Variants in HCN4 observed in about 807,000 individuals in gnomAD.
HCN4 encodes the protein potassium/sodium hyperpolarization-activated cyclic nucleotide-gated channel 4.
Under a neutral mutation model 76.9 loss-of-function variants are expected in HCN4, and 29 were observed. The ratio of observed to expected loss-of-function variants is 0.38; its 90% CI spans 0.28 to 0.51. HCN4 has a LOEUF of 0.51. HCN4 is among the 20% of genes least tolerant of loss of function. The probability of loss-of-function intolerance (pLI) is 0.90; values close to 1 mark genes in which losing one functional copy is unlikely to be tolerated. For missense variants in HCN4, 1,416 were observed against 1,715.2 expected (o/e 0.83, Z 3.08); for synonymous variants, 772 against 762.5 (o/e 1.01, Z -0.21).
At chr15:73,360,499 C>T (rs562414098) in intron 1 of HCN4, among the ~76,000 whole-genome samples, 9 of 152,158 alleles carry the variant, frequency 5.9e-5, no homozygotes, top group African/African-American at 1.2e-4. Flanking sequence ...CCCTCCTCGA[C>T]GTTTTAATTC....
Position 73,323,043 on chromosome 15 carries a change from A to T in HCN4, c.3050T>A (p.Val1017Glu), listed in dbSNP as rs560832180. ...VAGASGGASPVGFTPRGGLSP... is the reference protein window; with the variant it reads ...VAGASGGASPEGFTPRGGLSP... ...GAGACCTCCTCGGGGAGTAAAGCCT[A>T]CAGGGGAAGCCCCCCCAGAGGCCCC... The change falls in exon 8 of 8, where the codon GTA becomes GAA. Residue 1017 changes from valine to glutamate, a missense_variant. Val to Glu is a moderately radical substitution (Grantham distance 121). Coordinates refer to ENST00000261917, the MANE Select transcript of HCN4 (RefSeq NM_005477.3). 1 of 1,518,390 alleles carries T rather than the reference A, an allele frequency of 6.6e-7. No homozygotes were observed. Among genetic ancestry groups the T allele is most frequent in the East Asian group, 2.3e-5 (1 of 43,372 alleles). 94.1% of individuals were successfully genotyped at this position (1,518,390 alleles called of 1,614,324 possible).
rs2042884197 is a variant in HCN4 at position 73,324,105 on chromosome 15, G to A, written c.2127C>T (p.Asp709=). The change falls in exon 7 of 8, where the codon GAC becomes GAT. Residue 709 remains aspartate, a synonymous_variant. Coordinates refer to ENST00000261917, the MANE Select transcript of HCN4 (RefSeq NM_005477.3). ...MRRAFETVAL[D]RLDRIGKKNS... ...CCCCCTCACCAATGCGGTCCAGGCG[G>A]TCCAGCGCCACGGTCTCGAAGGCCC... 4.3e-6 allele frequency: 7 copies of A among 1,613,336 alleles called. No individual in the cohort carries two copies. The highest frequency in any genetic ancestry group is 5.9e-6 in the Non-Finnish European group (7 of 1,179,970).
chr15:73,323,028 C>T lies in HCN4; in HGVS notation c.3065G>A (p.Arg1022Gln), dbSNP rs1205818947. 1.3e-6 allele frequency: 2 copies of T among 1,491,042 alleles called. No homozygotes were observed. The highest frequency in any genetic ancestry group is 1.4e-5 in the South Asian group (1 of 72,282). The allele number at this position is 1,491,042 out of a possible 1,614,324, so 92.4% of individuals were successfully genotyped here. A position where few individuals can be genotyped will look rare whatever the true frequency, so the allele number is the denominator to read the frequency against. Residue 1022 changes from arginine (R) to glutamine (Q), a missense_variant, in exon 8 of 8, where the codon CGA becomes CAA. By Grantham distance (43) the Arg-to-Gln change is conservative. Around this residue, in one of 6 missense-constraint regions of HCN4, gnomAD observed 633 missense variants for 579.8 expected, o/e 1.09. Transcript: ENST00000261917. ...GTGGCCAGGGGGGCTGAGACCTCCT[C>T]GGGGAGTAAAGCCTACAGGGGAAGC... Reference protein sequence around the residue: ...GGASPVGFTPRGGLSPPGHSP... With the variant: ...GGASPVGFTPQGGLSPPGHSP...
chr15:73,356,848 C>G (rs2043083482), intron 1 of HCN4, among the ~76,000 whole-genome samples: 2 of 152,076 alleles, frequency 1.3e-5, no homozygotes, highest in South Asian at 4.1e-4. Context: ...ATAAAAGCTC[C>G]CTGGAGAGGG....
intron 2 of HCN4, among the ~76,000 whole-genome samples, chr15:73,336,112 G>C (rs936522356): frequency 3.3e-5 from 5 of 152,122 alleles, no homozygotes; most frequent in Non-Finnish European, 7.4e-5. Context: ...GGTGAGTAGA[G>C]AGGCTGGTCC....
intron 1 of HCN4, among the ~76,000 whole-genome samples, chr15:73,352,270 G>C (rs1057128744): frequency 7.9e-5 from 12 of 152,122 alleles, no homozygotes; most frequent in Non-Finnish European, 1.5e-5. Flanking sequence ...CGTGCCAAAG[G>C]CTGAGTGGCA....
chr15:73,353,501 A>G (rs778165792), intron 1 of HCN4, among the ~76,000 whole-genome samples: 2 of 152,196 alleles, frequency 1.3e-5, no homozygotes, highest in Non-Finnish European at 2.9e-5. Context: ...CACGCATGTC[A>G]GTCCATGACA....
At chr15:73,363,122 G>A (rs912294783) in intron 1 of HCN4, among the ~76,000 whole-genome samples, 10 of 152,162 alleles carry the variant, frequency 6.6e-5, no homozygotes, top group South Asian at 6.2e-4. Context: ...CACAGCCTGC[G>A]GCTCCTTTCC....
chr15:73,359,698 G>A (rs1181966957), intron 1 of HCN4, among the ~76,000 whole-genome samples: 2 of 152,040 alleles, frequency 1.3e-5, no homozygotes, highest in African/African-American at 4.8e-5. Flanking sequence ...ACTGAGCCCC[G>A]ACCATTGTCA....
chr15:73,322,561 G>GC lies in HCN4; in HGVS notation c.3531dup (p.Pro1178AlafsTer16), dbSNP rs749503920. The GC allele has an allele frequency of 6.2e-7, 1 of 1,607,752 alleles. No individual in the cohort carries two copies. Among genetic ancestry groups the GC allele is most frequent in the Non-Finnish European group, 8.5e-7 (1 of 1,177,392 alleles). On this transcript the variant is annotated frameshift_variant, in exon 8 of 8. Coordinates refer to ENST00000261917, the MANE Select transcript of HCN4 (RefSeq NM_005477.3). LOFTEE classifies it high-confidence loss of function. ...CTCTGGGGTCCAGCAGTCAGAGGGG[G>GC]CCCCCCAGAAGAGGTGGCTCTTGCC...
Position 73,343,267 on chromosome 15 carries a change from C to G in HCN4, c.1209+118G>C. Reference sequence around the variant, plus strand: ...CTTACTAGTATTTGTCCTCTTGGAGCAGGTGTGCCTGCCACAATCTGACAG... The same window carrying G: ...CTTACTAGTATTTGTCCTCTTGGAGGAGGTGTGCCTGCCACAATCTGACAG... On this transcript the variant is annotated intron_variant, in intron 2 of 7. Transcript: ENST00000261917. This position sits in a 1 kb window ranked among gnomAD's most constrained non-coding sequence, Gnocchi z 5.7. 1.1e-6 allele frequency: 1 copy of G among 933,534 alleles called. No individual in the cohort carries two copies. Among genetic ancestry groups the G allele is most frequent in the South Asian group, 1.4e-5 (1 of 69,420 alleles). 57.8% of individuals were successfully genotyped at this position (933,534 alleles called of 1,614,324 possible). A position where few individuals can be genotyped will look rare whatever the true frequency, so the allele number is the denominator to read the frequency against.
Position 73,325,373 on chromosome 15 carries a change from G to A in HCN4, c.1662C>T (p.Tyr554=), listed in dbSNP as rs762107317. 1.2e-6 allele frequency: 2 copies of A among 1,614,174 alleles called. No individual in the cohort carries two copies. Among genetic ancestry groups the A allele is most frequent in the East Asian group, 4.5e-5 (2 of 44,874 alleles). The change falls in exon 5 of 8, where the codon TAC becomes TAT. Residue 554 remains tyrosine, a synonymous_variant. Coordinates refer to ENST00000261917, the MANE Select transcript of HCN4 (RefSeq NM_005477.3). The surrounding 1 kb of genome is among the most constrained non-coding windows in gnomAD (Gnocchi z 7.4). ...PPDTRQRIHD[Y]YEHRYQGKMF... is the part of the protein sequence containing the mutation. ...TCTTGCCCTGGTAGCGGTGCTCGTA[G>A]TAGTCGTGGATGCGCTGCCGGGTGT...
chr15:73,343,781 C>A lies in HCN4; in HGVS notation c.813G>T (p.Leu271=). ...FRFYWDLTML[L]LMVGNLIIIP... ...TGATAATCAGGTTTCCCACCATCAGCAGCAGCATGGTCAGGTCCCAGTAAA... is the reference window on the plus strand; with the variant it reads ...TGATAATCAGGTTTCCCACCATCAGAAGCAGCATGGTCAGGTCCCAGTAAA... Residue 271 remains leucine, a synonymous_variant, in exon 2 of 8, where the codon CTG becomes CTT. Coordinates refer to ENST00000261917, the MANE Select transcript of HCN4 (RefSeq NM_005477.3). The surrounding 1 kb of genome is among the most constrained non-coding windows in gnomAD (Gnocchi z 5.7). The A allele has an allele frequency of 6.2e-7, 1 of 1,614,146 alleles. No individual in the cohort carries two copies. The highest frequency in any genetic ancestry group is 8.5e-7 in the Non-Finnish European group (1 of 1,180,036).
At chr15:73,360,716 G>T (rs775112206) in intron 1 of HCN4, among the ~76,000 whole-genome samples, 15 of 152,168 alleles carry the variant, frequency 9.9e-5, no homozygotes, top group Non-Finnish European at 2.9e-5. Flanking sequence ...AAGAATAAAT[G>T]AAATGGGAGA....
intron 3 of HCN4, 41 bp from the exon 4 acceptor site, chr15:73,329,832 A>G: frequency 6.5e-7 from 1 of 1,528,652 alleles, no homozygotes; most frequent in South Asian, 1.1e-5. Context: ...GATGAGAGGG[A>G]AGGCCCTTCT....
At position 73,322,890 on chromosome 15, in the gene HCN4, C is replaced by T. The variant is rs776270218; in HGVS notation, c.3203G>A (p.Arg1068His). ...SSPPPPQVPQRRGTPPLTPGR... is the reference protein window; with the variant it reads ...SSPPPPQVPQHRGTPPLTPGR... ...GGGGGTGAGCGGGGGTGTGCCCCGG[C>T]GCTGGGGGACCTGGGGTGGTGGGGG... The change falls in exon 8 of 8, where the codon CGC becomes CAC. Residue 1068 changes from arginine to histidine, a missense_variant. By Grantham distance (29) the Arg-to-His change is conservative (BLOSUM62 0). Coordinates refer to ENST00000261917, the MANE Select transcript of HCN4 (RefSeq NM_005477.3). The T allele has an allele frequency of 6.3e-6, 9 of 1,436,630 alleles. No homozygotes were observed. Among genetic ancestry groups the T allele is most frequent in the Admixed American group, 2.8e-5 (1 of 35,800 alleles). 89.0% of individuals were successfully genotyped at this position (1,436,630 alleles called of 1,614,324 possible).
At chr15:73,351,520 G>C (rs1001863341) in intron 1 of HCN4, among the ~76,000 whole-genome samples, 2 of 152,096 alleles carry the variant, frequency 1.3e-5, no homozygotes, top group African/African-American at 4.8e-5. Context: ...AGAAACCTCA[G>C]AGCTATCCTC....
At chr15:73,340,127 T>A (rs2042991725) in intron 2 of HCN4, among the ~76,000 whole-genome samples, 1 of 152,000 alleles carries the variant, frequency 6.6e-6, no homozygotes, top group Non-Finnish European at 1.5e-5. Flanking sequence ...CAGTTCTGGG[T>A]GCCCAAGAGG....
intron 2 of HCN4, chr15:73,335,298 C>G (rs1029451955): frequency 1.3e-5 from 2 of 152,388 alleles, no homozygotes; most frequent in African/African-American, 4.8e-5. Flanking sequence ...AGGACAGCAG[C>G]CTCCCCGAGG....
Sources: gnomAD v4.1 joint callset for allele counts (sites outside exome capture counted in the v4.1 genomes callset) on GRCh38, gnomAD v4.1.1 for gene constraint, gnomAD v4.1.1 regional missense constraint, Gnocchi (gnomAD v3.1) non-coding constraint, MANE v1.5 for transcripts, NCBI Gene and HGNC (gene_info 2026-07-23, HGNC 2026-07-21) for gene names.